The following SASH1 variants were observed in gnomAD, a reference collection of about 807,000 sequenced individuals.
SASH1 encodes SAM and SH3 domain containing 1, also known as SAM and SH3 domain-containing protein 1.
A neutral mutation model predicts 125.2 loss-of-function variants in SASH1; 44 were observed. The ratio of observed to expected loss-of-function variants is 0.35; its 90% CI spans 0.28 to 0.45. The LOEUF (loss-of-function observed/expected upper bound fraction) is 0.45, where lower values mean the gene tolerates loss of function less well. Among genes scored for constraint, SASH1 ranks in the 20% least tolerant of loss-of-function variants. SASH1 has a pLI of 1.00. For synonymous variants in SASH1, 639 were observed against 649.1 expected, an observed-to-expected ratio of 0.98 and a Z score of 0.24; for missense variants, 1,426 against 1,614.5, an observed-to-expected ratio of 0.88 and a Z score of 2.00.
At chr6:148,313,790 A>C (rs1048994422) in intron 1 of SASH1, among the ~76,000 whole-genome samples, 6 of 152,134 alleles carry the variant, frequency 3.9e-5, no homozygotes, top group African/African-American at 1.4e-4. Context: ...CTTCTGGCGG[A>C]GAAGTGGGAG....
At chr6:148,548,051 A>G (rs1329284441) in intron 19 of SASH1, among the ~76,000 whole-genome samples, 2 of 152,248 alleles carry the variant, frequency 1.3e-5, no homozygotes, top group African/African-American at 4.8e-5. Context: ...ACTCGGACAC[A>G]TAAATGGGAT....
chr6:148,251,015 G>C, the SASH1 span, among the ~76,000 whole-genome samples: 4 of 152,162 alleles, frequency 2.6e-5, no homozygotes, highest in African/African-American at 9.7e-5. Context: ...CAATAAAAGA[G>C]TCATCCTTAG....
chr6:148,417,195 G>C (rs1784855569), intron 2 of SASH1, among the ~76,000 whole-genome samples: 1 of 152,164 alleles, frequency 6.6e-6, no homozygotes, highest in Non-Finnish European at 1.5e-5. Flanking sequence ...CTAGAGAGTA[G>C]GGGAGGAGGG....
At position 148,407,885 on chromosome 6, in the gene SASH1, G is replaced by A. The variant is rs1011707513; in HGVS notation, c.285+17623G>A. Among the ~76,000 whole-genome samples the A allele has an allele frequency of 5.9e-5, 9 of 151,856 alleles. No homozygotes were observed. The East Asian group carries it at 7.8e-4, about 13-fold the overall frequency. On this transcript the variant is annotated intron_variant, in intron 2 of 19. Transcript: ENST00000367467. ...TGACCTTAGGTGATCCACCCGCCTC[G>A]GCCTCCCAAAGTGCTGGGATTACAG...
chr6:148,487,574 C>T, intron 7 of SASH1, 40 bp from the exon 8 acceptor site: 2 of 1,450,072 alleles, frequency 1.4e-6, no homozygotes, highest in Non-Finnish European at 1.9e-6. Context: ...CAGTGTCTGG[C>T]CATTCTTTCC....
intron 2 of SASH1, among the ~76,000 whole-genome samples, chr6:148,399,865 G>A (rs1451040450): frequency 6.6e-6 from 1 of 152,208 alleles, no homozygotes; most frequent in Admixed American, 6.5e-5. Context: ...GGGGGTGAAC[G>A]AGGCCCAGGC....
At chr6:148,516,657 T>G (rs908937908) in intron 9 of SASH1, among the ~76,000 whole-genome samples, 1 of 152,154 alleles carries the variant, frequency 6.6e-6, no homozygotes, top group Non-Finnish European at 1.5e-5. Context: ...TTATATTCTC[T>G]TTAATGTCAT....
intron 4 of SASH1, among the ~76,000 whole-genome samples, chr6:148,446,823 C>G (rs1776817294): frequency 6.6e-6 from 1 of 152,136 alleles, no homozygotes; most frequent in Non-Finnish European, 1.5e-5. Context: ...AACTAAAGGA[C>G]AGAGGTAAGT....
chr6:148,200,452 T>C, the SASH1 span, among the ~76,000 whole-genome samples: 1,383 of 152,326 alleles, frequency 9.1e-3, 15 homozygotes, highest in Non-Finnish European at 0.015. Flanking sequence ...CATCTGCTTA[T>C]CATTATTGAT....
chr6:148,259,499 C>T, the SASH1 span, among the ~76,000 whole-genome samples: 1 of 152,194 alleles, frequency 6.6e-6, no homozygotes, highest in Non-Finnish European at 1.5e-5. Flanking sequence ...GAAGGCGCCA[C>T]GAAGAGCATT....
rs1779331148 is a variant in SASH1, at chr6:148,496,828, GTACC to G, written c.729+9114_729+9117del. 1.3e-5 allele frequency among the ~76,000 whole-genome samples: 2 copies of G among 151,458 alleles called. 1 individual carries two copies. ...GCCGAAACTGCAGTGAGCTATGATT[GTACC>G]ACTGCACTCCAGCCTAGGTGACAGA... On this transcript the variant is annotated intron_variant, in intron 8 of 19. Coordinates refer to ENST00000367467, the MANE Select transcript of SASH1 (RefSeq NM_015278.5).
At chr6:148,470,361 C>T (rs1778040410) in intron 5 of SASH1, among the ~76,000 whole-genome samples, 1 of 152,200 alleles carries the variant, frequency 6.6e-6, no homozygotes, top group Non-Finnish European at 1.5e-5. Context: ...TTGCTTGGCA[C>T]CACCAGTCTA....
intron 1 of SASH1, among the ~76,000 whole-genome samples, chr6:148,368,762 A>ACACG (rs1554245288): frequency 7.6e-6 from 1 of 131,386 alleles, no homozygotes; most frequent in Admixed American, 7.5e-5. Context: ...ATGCGCGCGC[A>ACACG]CGCGCGCGCA....
chr6:148,228,769 T>A, the SASH1 span, among the ~76,000 whole-genome samples: 11,290 of 152,282 alleles, frequency 0.074, 501 homozygotes, highest in East Asian at 0.11. Flanking sequence ...AAAGACAGCA[T>A]GCTTATTTAA....
rs143472717 is a variant in SASH1, at chr6:148,293,107, G to A, written n.74+20730G>A. 6.9e-3 allele frequency among the ~76,000 whole-genome samples: 1,040 copies of A among 151,610 alleles called. 6 individuals are homozygous for A. The highest frequency in any genetic ancestry group is 0.012 in the Non-Finnish European group (808 of 67,914). On this transcript the variant is annotated intron_variant and non_coding_transcript_variant, in intron 1 of 3. Coordinates refer to the SASH1 transcript ENST00000367469. ...AACAGCAGCCCAGAAAGGTGTATAA[G>A]ATCTACCATGATCTGTAATAATCTC...
At chr6:148,483,373 C>A (rs1023306005) in intron 7 of SASH1, among the ~76,000 whole-genome samples, 2 of 152,160 alleles carry the variant, frequency 1.3e-5, no homozygotes, top group African/African-American at 4.8e-5. Flanking sequence ...CCTCATGGCC[C>A]CAAACACCTC....
At chr6:148,475,598 A>T (rs1226118886) in intron 7 of SASH1, among the ~76,000 whole-genome samples, 8 of 152,214 alleles carry the variant, frequency 5.3e-5, no homozygotes, top group Admixed American at 5.2e-4. Context: ...TCTCACCATG[A>T]CCTTGGGGAG....
intron 8 of SASH1, chr6:148,508,317 G>A (rs1182919314): frequency 2.2e-5 from 4 of 184,524 alleles, no homozygotes; most frequent in South Asian, 1.8e-4. Flanking sequence ...TCCCTTAAGG[G>A]GGTGTTCAGA....
intron 4 of SASH1, among the ~76,000 whole-genome samples, chr6:148,450,738 A>G (rs1562421643): frequency 6.7e-6 from 1 of 148,974 alleles, no homozygotes; most frequent in East Asian, 2.0e-4. Context: ...ATTATATTTG[A>G]GACTCATTAG....
Sources: allele counts gnomAD v4.1 joint callset (sites outside exome capture counted in the v4.1 genomes callset), GRCh38; gene constraint gnomAD v4.1.1; transcripts MANE v1.5; gene names NCBI Gene and HGNC (gene_info 2026-07-23, HGNC 2026-07-21).